Variants in TOPAZ1 observed in about 807,000 individuals in gnomAD.
TOPAZ1 encodes the protein protein TOPAZ1.
TOPAZ1 carries 66 observed loss-of-function variants against 172.2 expected under a neutral mutation model. That is an observed-to-expected ratio of 0.38 (90% CI 0.31 to 0.47). TOPAZ1 has a LOEUF of 0.47. Among genes scored for constraint, TOPAZ1 ranks in the 20% least tolerant of loss-of-function variants. The pLI is 0.99. For missense variants in TOPAZ1, 1,822 were observed against 1,972.4 expected (o/e 0.92, Z 1.44); for synonymous variants, 681 against 683.9 (o/e 1.00, Z 0.07).
chr3:44,253,518 A>G (rs945633636), intron 2 of TOPAZ1, among the ~76,000 whole-genome samples: 1 of 152,150 alleles, frequency 6.6e-6, no homozygotes, highest in Non-Finnish European at 1.5e-5. Context: ...TCTCTCTTAG[A>G]GAAGAACATT....
intron 16 of TOPAZ1, among the ~76,000 whole-genome samples, chr3:44,316,103 A>G (rs1700448899): frequency 6.6e-6 from 1 of 151,984 alleles, no homozygotes; most frequent in South Asian, 2.1e-4. Context: ...TTAATTAGCC[A>G]GGCATGGTAG....
At chr3:44,300,249 A>G (rs113263538) in intron 12 of TOPAZ1, among the ~76,000 whole-genome samples, 12,548 of 152,110 alleles carry the variant, frequency 0.082, 644 homozygotes, top group Middle Eastern at 0.16. Flanking sequence ...CCTGGCCAAC[A>G]TGGTAAAACC....
At position 44,243,928 on chromosome 3, in the gene TOPAZ1, A is replaced by C; in HGVS notation, c.1422A>C (p.Ala474=). The C allele has an allele frequency of 1.3e-6, 2 of 1,552,350 alleles. No homozygotes were observed. ...RRSSREDLRS[A]SEELKLSCQR... ...CTTCACGGGAAGACTTAAGAAGTGC[A>C]TCTGAAGAATTGAAGTTAAGCTGTC... Residue 474 remains alanine (A), a synonymous_variant, in exon 2 of 20, where the codon GCA becomes GCC. Transcript: ENST00000309765.
chr3:44,335,996 A>C (rs1439811787), downstream of TOPAZ1, among the ~76,000 whole-genome samples: 1 of 152,212 alleles, frequency 6.6e-6, no homozygotes, highest in African/African-American at 2.4e-5. Flanking sequence ...CTGGGAATTA[A>C]AATAAGACCC....
chr3:44,267,333 G>A (rs1435251413), intron 6 of TOPAZ1, among the ~76,000 whole-genome samples, 197 bp downstream of exon 6: 4 of 127,220 alleles, frequency 3.1e-5, no homozygotes, highest in African/African-American at 6.1e-5. Context: ...TCACACTGTC[G>A]CCTAGGCTGG....
chr3:44,318,094 G>A (rs1386270878), intron 16 of TOPAZ1, among the ~76,000 whole-genome samples: 1 of 152,150 alleles, frequency 6.6e-6, no homozygotes, highest in Non-Finnish European at 1.5e-5. Context: ...AGGGCCTGTG[G>A]CCCGGGGTGA....
intron 8 of TOPAZ1, among the ~76,000 whole-genome samples, chr3:44,272,785 T>C (rs1298773714): frequency 2.0e-5 from 3 of 152,202 alleles, no homozygotes; most frequent in South Asian, 2.1e-4. Flanking sequence ...GGTCCCCATC[T>C]CCTGACCTCA....
rs1276674805 is a variant in TOPAZ1, at chr3:44,254,243, A to T, written c.2766-725A>T. On this transcript the variant is annotated intron_variant, in intron 2 of 19. Coordinates refer to ENST00000309765, the MANE Select transcript of TOPAZ1 (RefSeq NM_001145030.2). ...TACATATTCTTAATCTTTAGACTGT[A>T]AGTTGTCTTTAGGGACTACCAAAAA... Among the ~76,000 whole-genome samples, 13 of 152,198 alleles carry T rather than the reference A, an allele frequency of 8.5e-5. 1 individual carries two copies. The highest frequency in any genetic ancestry group is 8.5e-4 in the Admixed American group (13 of 15,274).
chr3:44,285,735 T>A (rs1700071279), intron 9 of TOPAZ1, among the ~76,000 whole-genome samples: 1 of 151,392 alleles, frequency 6.6e-6, no homozygotes, highest in Non-Finnish European at 1.5e-5. Flanking sequence ...CATGCCTGGC[T>A]AATTTTTGTA....
At chr3:44,271,687 T>C (rs1699900630) in intron 8 of TOPAZ1, among the ~76,000 whole-genome samples, 1 of 152,190 alleles carries the variant, frequency 6.6e-6, no homozygotes, top group South Asian at 2.1e-4. Context: ...TTTATGAATA[T>C]GATATGGAAT....
At chr3:44,293,145 T>C (rs1700157445) in intron 12 of TOPAZ1, among the ~76,000 whole-genome samples, 1 of 152,222 alleles carries the variant, frequency 6.6e-6, no homozygotes, top group African/African-American at 2.4e-5. Flanking sequence ...GTGGTGATAC[T>C]AGTGTAAACA....
chr3:44,311,626 A>C (rs1700398333), intron 16 of TOPAZ1, among the ~76,000 whole-genome samples: 1 of 152,208 alleles, frequency 6.6e-6, no homozygotes, highest in Non-Finnish European at 1.5e-5. Context: ...TGACAGTTTC[A>C]ACTAAAAGTA....
intron 18 of TOPAZ1, among the ~76,000 whole-genome samples, chr3:44,323,864 G>A (rs952084706): frequency 3.9e-5 from 6 of 152,106 alleles, no homozygotes; most frequent in Admixed American, 6.5e-5. Context: ...AAGCCACCTC[G>A]CAGGTATTTT....
At chr3:44,270,291 G>A (rs1342405254) in intron 7 of TOPAZ1, among the ~76,000 whole-genome samples, 1 of 152,086 alleles carries the variant, frequency 6.6e-6, no homozygotes, top group African/African-American at 2.4e-5. Context: ...TACGTGAAAG[G>A]GAAGAGGAAT....
chr3:44,327,870 G>A (rs920656844), intron 18 of TOPAZ1, among the ~76,000 whole-genome samples: 4 of 151,862 alleles, frequency 2.6e-5, no homozygotes, highest in South Asian at 2.1e-4. Context: ...TCAGCCTCCC[G>A]AGTTGCTGGG....
intron 2 of TOPAZ1, among the ~76,000 whole-genome samples, chr3:44,250,956 A>G (rs1010269675): frequency 5.3e-5 from 8 of 152,176 alleles, no homozygotes; most frequent in Non-Finnish European, 1.0e-4. Context: ...ATTGGATACC[A>G]TAATATTTCT....
At chr3:44,305,539 T>C (rs1700327189) in intron 14 of TOPAZ1, among the ~76,000 whole-genome samples, 1 of 152,088 alleles carries the variant, frequency 6.6e-6, no homozygotes, top group African/African-American at 2.4e-5. Flanking sequence ...TCAGCTAATT[T>C]TTTTATTTTT....
In TOPAZ1 at chr3:44,242,039, C is replaced by T. The variant is rs1699482653; in HGVS notation, c.-15C>T. The T allele has an allele frequency of 6.5e-7, 1 of 1,538,550 alleles. No homozygotes were observed. The highest frequency in any genetic ancestry group is 8.7e-7 in the Non-Finnish European group (1 of 1,145,190). On this transcript the variant is annotated 5_prime_UTR_variant, in exon 1 of 20. Transcript: ENST00000309765. ...GCTGGTGCAGAGGGGCCCCAGCGGG[C>T]CGGCCCCGGGGCACATGCGACGACC...
chr3:44,244,020 G>C lies in TOPAZ1; in HGVS notation c.1514G>C (p.Trp505Ser). 3 of 1,551,994 alleles carry C rather than the reference G, an allele frequency of 1.9e-6. No individual in the cohort carries two copies. The highest frequency in any genetic ancestry group is 2.6e-6 in the Non-Finnish European group (3 of 1,147,046). The part of the protein sequence containing the change: ...PYYSCARISA[W>S]CWKKASLPES... ...TATTCATGTGCTAGAATATCTGCCT[G>C]GTGTTGGAAAAAGGCTTCCTTGCCA... Residue 505 changes from tryptophan to serine, a missense_variant, in exon 2 of 20, where the codon TGG becomes TCG. Transcript: ENST00000309765.
Sources: allele counts gnomAD v4.1 joint callset (sites outside exome capture counted in the v4.1 genomes callset), GRCh38; gene constraint gnomAD v4.1.1; transcripts MANE v1.5; gene names NCBI Gene and HGNC (gene_info 2026-07-23, HGNC 2026-07-21).